NUCKS1: variants seen among roughly 807,000 people sequenced by gnomAD.
NUCKS1 encodes the protein nuclear ubiquitous casein and cyclin-dependent kinase substrate 1.
In NUCKS1, 2 loss-of-function variants were observed where a neutral mutation model predicts 33.0. The observed-to-expected ratio is 0.06, with a 90% confidence interval of 0.02 to 0.19. The LOEUF (loss-of-function observed/expected upper bound fraction) is 0.19. Ranked by LOEUF, NUCKS1 falls within the 10% of genes least tolerant of loss-of-function variation. The probability of loss-of-function intolerance (pLI) is 1.00; values close to 1 mark genes in which losing one functional copy is unlikely to be tolerated. For missense variants in NUCKS1, 201 were observed against 293.6 expected (o/e 0.68, Z 2.31); for synonymous variants, 106 against 102.8 (o/e 1.03, Z -0.19).
Position 205,714,058 on chromosome 1 carries a change from G to C in NUCKS1, c.*4222C>G, listed in dbSNP as rs902849631. On this transcript the variant is annotated 3_prime_UTR_variant, in exon 7 of 7. Coordinates refer to ENST00000367142, the MANE Select transcript of NUCKS1 (RefSeq NM_022731.5). ...ATGTTCATGGTAAACAAACTAAGTA[G>C]AGCTCTTATTTACAAATCTTGTAAC... 6.6e-6 allele frequency: 1 copy of C among 152,126 alleles called. No individual in the cohort carries two copies. Among genetic ancestry groups the C allele is most frequent in the Non-Finnish European group, 1.5e-5 (1 of 68,022 alleles). The allele number at this position is 152,126 out of a possible 1,614,324, so 9.4% of individuals were successfully genotyped here.
At position 205,720,545 on chromosome 1, in the gene NUCKS1, C is replaced by A; in HGVS notation, c.338G>T (p.Ser113Ile). 6.2e-7 allele frequency: 1 copy of A among 1,614,188 alleles called. No individual in the cohort carries two copies. The highest frequency in any genetic ancestry group is 2.2e-5 in the East Asian group (1 of 44,884). ...ATCCTCCTCTTCTTGTTCTTCCTCACTGCCCACATCTTCCATGAGCATCTC... is the reference window on the plus strand; with the variant it reads ...ATCCTCCTCTTCTTGTTCTTCCTCAATGCCCACATCTTCCATGAGCATCTC... The part of the protein sequence containing the change: ...QREMLMEDVG[S>I]EEEQEEEDEA... Residue 113 changes from serine to isoleucine, a missense_variant, in exon 5 of 7, where the codon AGT becomes ATT. By Grantham distance (142) the Ser-to-Ile change is moderately radical. Transcript: ENST00000367142.
chr1:205,718,622 GC>G (rs1404737399), intron 6 of NUCKS1, 143 bp from the exon 7 acceptor site: 7 of 1,097,976 alleles, frequency 6.4e-6, no homozygotes, highest in Non-Finnish European at 9.0e-6. Context: ...GCACAAGGGA[GC>G]ACATATATCC....
At chr1:205,735,883 T>C (rs1372306140) in intron 1 of NUCKS1, among the ~76,000 whole-genome samples, 1 of 152,222 alleles carries the variant, frequency 6.6e-6, no homozygotes, top group Non-Finnish European at 1.5e-5. Flanking sequence ...TTGGTTCTAG[T>C]ATCATTCAGA....
In NUCKS1 at chr1:205,729,615, C is replaced by T; in HGVS notation, c.24G>A (p.Arg8=). ...GAAACTGTGAGTAATCAACAACCTTCCTATTTCTGTAGAAAGAAGAGACTC... is the reference window on the plus strand; with the variant it reads ...GAAACTGTGAGTAATCAACAACCTTTCTATTTCTGTAGAAAGAAGAGACTC... MSRPVRN[R]KVVDYSQFQE... Residue 8 remains arginine, a synonymous_variant, in exon 2 of 7, where the codon AGG becomes AGA. Transcript: ENST00000367142. 1 of 1,609,760 alleles carries T rather than the reference C, an allele frequency of 6.2e-7. No individual in the cohort carries two copies. The highest frequency in any genetic ancestry group is 8.5e-7 in the Non-Finnish European group (1 of 1,176,218).
At chr1:205,745,118 T>A (rs1389420286) in intron 1 of NUCKS1, among the ~76,000 whole-genome samples, 1 of 152,208 alleles carries the variant, frequency 6.6e-6, no homozygotes, top group African/African-American at 2.4e-5. Context: ...CTCTGTAAAA[T>A]CAAATACTGT....
intron 1 of NUCKS1, among the ~76,000 whole-genome samples, chr1:205,731,943 T>C (rs1364350785): frequency 2.6e-5 from 4 of 151,886 alleles, no homozygotes; most frequent in Non-Finnish European, 2.9e-5. Flanking sequence ...CACCTATACT[T>C]AAACCTGAGC....
intron 4 of NUCKS1, among the ~76,000 whole-genome samples, chr1:205,721,466 A>G (rs1671915142): frequency 6.6e-6 from 1 of 152,206 alleles, no homozygotes; most frequent in African/African-American, 2.4e-5. Context: ...GCTTTGCTCT[A>G]CAATTCTCAA....
chr1:205,742,538 CCTGGGGCCGGACGCTGTGG>C (rs1233575457), intron 1 of NUCKS1, among the ~76,000 whole-genome samples: 1 of 152,164 alleles, frequency 6.6e-6, no homozygotes, highest in Non-Finnish European at 1.5e-5. Flanking sequence ...AAGGTTTCCT[CCTGGGGCCGGACGCTGTGG>C]CTCACGCCTG....
chr1:205,748,567 T>C (rs1654388745), intron 1 of NUCKS1, among the ~76,000 whole-genome samples: 1 of 152,164 alleles, frequency 6.6e-6, no homozygotes, highest in Non-Finnish European at 1.5e-5. Context: ...AGATCGTGAG[T>C]TACCACAGAT....
chr1:205,732,612 CTCTA>C (rs1360694351), intron 1 of NUCKS1, among the ~76,000 whole-genome samples: 1 of 151,864 alleles, frequency 6.6e-6, no homozygotes, highest in East Asian at 1.9e-4. Context: ...GAAAACCCGT[CTCTA>C]GTAAAAGTAC....
intron 1 of NUCKS1, among the ~76,000 whole-genome samples, chr1:205,748,688 A>C (rs1654392359): frequency 6.6e-6 from 1 of 152,226 alleles, no homozygotes; most frequent in Admixed American, 6.5e-5. Flanking sequence ...TGGAGACAGA[A>C]CGGTGTAGAA....
chr1:205,746,449 T>TCA (rs1443830898), intron 1 of NUCKS1, among the ~76,000 whole-genome samples: 7 of 108,078 alleles, frequency 6.5e-5, no homozygotes, highest in East Asian at 8.0e-4. Flanking sequence ...TCTCTCTCTC[T>TCA]CTCTCACACA....
At chr1:205,729,224 C>A (rs1653850307) in intron 2 of NUCKS1, among the ~76,000 whole-genome samples, 1 of 152,146 alleles carries the variant, frequency 6.6e-6, no homozygotes, top group Non-Finnish European at 1.5e-5. Context: ...CCACCTTGGC[C>A]TCCCAAAGTG....
At position 205,717,647 on chromosome 1, in the gene NUCKS1, G is replaced by C; in HGVS notation, c.*633C>G. The C allele has an allele frequency of 2.0e-6, 2 of 984,578 alleles. No individual in the cohort carries two copies. The highest frequency in any genetic ancestry group is 2.4e-6 in the Non-Finnish European group (2 of 829,722). The allele number at this position is 984,578 out of a possible 1,614,324, so 61.0% of individuals were successfully genotyped here. A position where few individuals can be genotyped will look rare whatever the true frequency, so the allele number is the denominator to read the frequency against. On this transcript the variant is annotated 3_prime_UTR_variant, in exon 7 of 7. Transcript: ENST00000367142. ...ACCCCATTGCCCACCCTCCCTACAA[G>C]GTAAAAAATGAGTACTTTTAGTAAC...
rs1157420860 is a variant in NUCKS1, at chr1:205,746,447, TCTCTCTCACACA to T, written c.17+3498_17+3509del. On this transcript the variant is annotated intron_variant, in intron 1 of 6. Coordinates refer to ENST00000367142, the MANE Select transcript of NUCKS1 (RefSeq NM_022731.5). ...GTTAATAAACTCACTTCTCTCTCTC[TCTCTCTCACACA>T]CACACACACACACACACACACACAC... Among the ~76,000 whole-genome samples the T allele has an allele frequency of 5.7e-3, 509 of 88,726 alleles. 1 individual carries two copies. The highest frequency in any genetic ancestry group is 0.018 in the African/African-American group (455 of 25,372). 58.2% of individuals were successfully genotyped at this position (88,726 alleles called of 152,430 possible). A position where few individuals can be genotyped will look rare whatever the true frequency, so the allele number is the denominator to read the frequency against.
At chr1:205,742,675 A>G (rs574150142) in intron 1 of NUCKS1, among the ~76,000 whole-genome samples, 4 of 152,238 alleles carry the variant, frequency 2.6e-5, no homozygotes, top group Non-Finnish European at 5.9e-5. Context: ...ATACTAAAAA[A>G]TTAGCCGGGC....
Position 205,715,862 on chromosome 1 carries a change from A to G in NUCKS1, c.*2418T>C, listed in dbSNP as rs1671812338. 1 of 152,196 alleles carries G rather than the reference A, an allele frequency of 6.6e-6. No individual in the cohort carries two copies. The highest frequency in any genetic ancestry group is 1.5e-5 in the Non-Finnish European group (1 of 68,034). The allele number at this position is 152,196 out of a possible 1,614,324, so 9.4% of individuals were successfully genotyped here. ...ACAGCTTGTAATGCGTCCTGACATC[A>G]CTATCAAGCCTGACTATTGAGCACC... On this transcript the variant is annotated 3_prime_UTR_variant, in exon 7 of 7. Transcript: ENST00000367142.
chr1:205,727,367 G>T (rs572041439), intron 3 of NUCKS1, among the ~76,000 whole-genome samples: 1 of 152,298 alleles, frequency 6.6e-6, no homozygotes, highest in Non-Finnish European at 1.5e-5. Context: ...TTTAAACAAA[G>T]GAGAATTGAT....
intron 1 of NUCKS1, among the ~76,000 whole-genome samples, chr1:205,738,417 G>A (rs1320395119): frequency 6.6e-6 from 1 of 151,604 alleles, no homozygotes; most frequent in Non-Finnish European, 1.5e-5. Context: ...AGGACTAGAG[G>A]TGGACACTAC....
Sources: allele counts gnomAD v4.1 joint callset (sites outside exome capture counted in the v4.1 genomes callset), GRCh38; gene constraint gnomAD v4.1.1; transcripts MANE v1.5; gene names NCBI Gene and HGNC (gene_info 2026-07-23, HGNC 2026-07-21).